Variants in PTPRD observed in about 807,000 individuals in gnomAD.
PTPRD encodes receptor-type tyrosine-protein phosphatase delta.
PTPRD carries 34 observed loss-of-function variants against 214.5 expected under a neutral mutation model. The ratio of observed to expected loss-of-function variants is 0.16; its 90% CI spans 0.12 to 0.21. The LOEUF (loss-of-function observed/expected upper bound fraction) is 0.21, where lower values mean the gene tolerates loss of function less well. Ranked by LOEUF, PTPRD falls within the 10% of genes least tolerant of loss-of-function variation. The pLI, the probability that PTPRD is intolerant of heterozygous loss-of-function variation, is 1.00. For synonymous variants in PTPRD, 1,128 were observed against 845.7 expected (o/e 1.33, Z -5.79); for missense variants, 2,545 against 2,398.7 (o/e 1.06, Z -1.27).
intron 2 of PTPRD, among the ~76,000 whole-genome samples, chr9:10,477,465 A>C (rs2099070524): frequency 6.6e-6 from 1 of 152,180 alleles, no homozygotes; most frequent in Admixed American, 6.5e-5. Flanking sequence ...GGTGATCATT[A>C]AAAAGTCAGG....
chr9:9,411,260 G>GTTTTTTT (rs1555368782), intron 8 of PTPRD, among the ~76,000 whole-genome samples: 4 of 25,042 alleles, frequency 1.6e-4, no homozygotes, highest in Admixed American at 3.7e-4. Flanking sequence ...ATAGCATTGT[G>GTTTTTTT]TCTTTTTTTT....
At chr9:9,668,909 A>G (rs2096774188) in intron 7 of PTPRD, among the ~76,000 whole-genome samples, 1 of 152,148 alleles carries the variant, frequency 6.6e-6, no homozygotes. Context: ...CCTGAACTTT[A>G]GTGTTGAATG....
chr9:8,607,817 A>C (rs2095291502), intron 14 of PTPRD, among the ~76,000 whole-genome samples: 1 of 152,214 alleles, frequency 6.6e-6, no homozygotes, highest in Non-Finnish European at 1.5e-5. Flanking sequence ...ATTTTATTAC[A>C]GTTTATTGCA....
At chr9:9,174,551 G>C (rs1449652104) in intron 10 of PTPRD, among the ~76,000 whole-genome samples, 1 of 152,078 alleles carries the variant, frequency 6.6e-6, no homozygotes, top group African/African-American at 2.4e-5. Flanking sequence ...GAAGATAGTA[G>C]ATATACATAA....
intron 3 of PTPRD, among the ~76,000 whole-genome samples, chr9:10,065,581 C>A (rs891230757): frequency 6.6e-6 from 1 of 151,816 alleles, no homozygotes; most frequent in Non-Finnish European, 1.5e-5. Flanking sequence ...TTTGTGTTCC[C>A]TAGGGCCTGA....
intron 44 of PTPRD, among the ~76,000 whole-genome samples, chr9:8,329,353 C>A (rs1319020485): frequency 6.6e-6 from 1 of 152,146 alleles, no homozygotes; most frequent in Non-Finnish European, 1.5e-5. Context: ...GGCTTCAGAA[C>A]AGCAAAGATT....
At chr9:10,435,157 T>C (rs2154521775) in intron 2 of PTPRD, among the ~76,000 whole-genome samples, 1 of 151,856 alleles carries the variant, frequency 6.6e-6, no homozygotes, top group East Asian at 1.9e-4. Context: ...GTTGGCACTA[T>C]TTGAGCAAAG....
chr9:10,557,214 T>A (rs1729417085), intron 2 of PTPRD, among the ~76,000 whole-genome samples: 1 of 152,136 alleles, frequency 6.6e-6, no homozygotes, highest in South Asian at 2.1e-4. Context: ...ATAGATATTG[T>A]AAAGTCATAA....
intron 3 of PTPRD, among the ~76,000 whole-genome samples, chr9:10,076,773 C>G (rs925948273): frequency 2.0e-5 from 3 of 152,104 alleles, no homozygotes; most frequent in African/African-American, 4.8e-5. Context: ...GAGAAAATCA[C>G]GCTGACATGC....
At chr9:10,307,723 G>C (rs1475125467) in intron 3 of PTPRD, among the ~76,000 whole-genome samples, 1 of 151,956 alleles carries the variant, frequency 6.6e-6, no homozygotes, top group East Asian at 1.9e-4. Context: ...ATCCTTGCCA[G>C]CATCTCTTAT....
chr9:8,432,177 A>T (rs1050758598), intron 35 of PTPRD, among the ~76,000 whole-genome samples: 11 of 152,208 alleles, frequency 7.2e-5, no homozygotes, highest in Non-Finnish European at 1.2e-4. Context: ...CAGCCATACC[A>T]ACTTTAAGGA....
intron 2 of PTPRD, among the ~76,000 whole-genome samples, chr9:10,505,887 T>C (rs1053208191): frequency 3.3e-5 from 5 of 152,096 alleles, no homozygotes; most frequent in African/African-American, 9.7e-5. Flanking sequence ...TAATTAGATA[T>C]ATCAATACAT....
In PTPRD at chr9:9,785,905, C is replaced by T. The variant is rs372124635; in HGVS notation, c.-367-19054G>A. Reference sequence around the variant, plus strand: ...ATTCAAAAAAAATTCAAAGCCAATGCTTCAAGTAGGTCATGATGAAATGAA... The same window carrying T: ...ATTCAAAAAAAATTCAAAGCCAATGTTTCAAGTAGGTCATGATGAAATGAA... On this transcript the variant is annotated intron_variant, in intron 5 of 45. Coordinates refer to ENST00000381196, the MANE Select transcript of PTPRD (RefSeq NM_002839.4). Among the ~76,000 whole-genome samples the T allele has an allele frequency of 6.6e-5, 10 of 152,198 alleles. No homozygotes were observed. The East Asian group carries it at 1.9e-3, about 29-fold the overall frequency.
chr9:8,567,761 G>A (rs2089835544), intron 14 of PTPRD, among the ~76,000 whole-genome samples: 1 of 152,082 alleles, frequency 6.6e-6, no homozygotes, highest in Non-Finnish European at 1.5e-5. Context: ...AGTAATTATA[G>A]ATATTTTTAG....
At chr9:9,107,769 T>C (rs1245179149) in intron 10 of PTPRD, among the ~76,000 whole-genome samples, 1 of 152,204 alleles carries the variant, frequency 6.6e-6, no homozygotes, top group Admixed American at 6.6e-5. Context: ...ACATTCTTTA[T>C]GATATACACT....
intron 3 of PTPRD, among the ~76,000 whole-genome samples, chr9:10,223,750 A>G (rs1487866484): frequency 6.7e-6 from 1 of 149,818 alleles, no homozygotes; most frequent in Non-Finnish European, 1.5e-5. Flanking sequence ...CCATTAAAAC[A>G]AACAATAAAA....
At chr9:8,381,262 C>A (rs1366044318) in intron 37 of PTPRD, among the ~76,000 whole-genome samples, 2 of 152,044 alleles carry the variant, frequency 1.3e-5, no homozygotes, top group East Asian at 3.9e-4. Context: ...TTGTCAATAC[C>A]CATTTAATGA....
At chr9:8,739,807 G>A (rs966115467) in intron 11 of PTPRD, among the ~76,000 whole-genome samples, 1 of 152,144 alleles carries the variant, frequency 6.6e-6, no homozygotes, top group Non-Finnish European at 1.5e-5. Flanking sequence ...TATAGGGGCA[G>A]GGCTTTCCTG....
intron 9 of PTPRD, among the ~76,000 whole-genome samples, chr9:9,369,176 G>C (rs777059621): frequency 2.6e-5 from 4 of 151,886 alleles, no homozygotes; most frequent in Non-Finnish European, 1.5e-5. Flanking sequence ...GGACATTTGA[G>C]TTGGTTCCAA....
Sources: gnomAD v4.1 joint callset for allele counts (sites outside exome capture counted in the v4.1 genomes callset) on GRCh38, gnomAD v4.1.1 for gene constraint, MANE v1.5 for transcripts, NCBI Gene and HGNC (gene_info 2026-07-23, HGNC 2026-07-21) for gene names.